The following OLFM3 variants were observed in gnomAD, a reference collection of about 807,000 sequenced individuals.
OLFM3 encodes olfactomedin 3.
Under a neutral mutation model 48.6 loss-of-function variants are expected in OLFM3, and 20 were observed. That is an observed-to-expected ratio of 0.41 (90% CI 0.29 to 0.60). The LOEUF is 0.60. Ranked by LOEUF, OLFM3 falls within the 20% of genes least tolerant of loss-of-function variation. The pLI is 0.28. For synonymous variants in OLFM3, 222 were observed against 198.1 expected, an observed-to-expected ratio of 1.12 and a Z score of -1.01; for missense variants, 437 against 544.3, an observed-to-expected ratio of 0.80 and a Z score of 1.96.
At chr1:101,894,580 A>G (rs569086460) in intron 1 of OLFM3, among the ~76,000 whole-genome samples, 1 of 152,242 alleles carries the variant, frequency 6.6e-6, no homozygotes, top group Non-Finnish European at 1.5e-5. Flanking sequence ...AGAGGGAATT[A>G]CACTTTTTAA....
intron 1 of OLFM3, among the ~76,000 whole-genome samples, chr1:101,985,137 A>G (rs953775877): frequency 6.6e-5 from 10 of 152,108 alleles, no homozygotes; most frequent in African/African-American, 9.7e-5. Context: ...CATCTCCCCA[A>G]TCTCTGCTTT....
intron 1 of OLFM3, among the ~76,000 whole-genome samples, chr1:101,902,325 A>G (rs1658414004): frequency 6.6e-6 from 1 of 152,066 alleles, no homozygotes. Flanking sequence ...AGAAGTAAGT[A>G]CTTCTGAGAA....
At chr1:101,845,164 C>A (rs558864307) in intron 1 of OLFM3, among the ~76,000 whole-genome samples, 106 of 151,840 alleles carry the variant, frequency 7.0e-4, no homozygotes, top group Non-Finnish European at 1.1e-3. Context: ...TTATTTTCTT[C>A]TTCTTATTAT....
At chr1:101,832,681 G>T (rs1655219178) in intron 2 of OLFM3, among the ~76,000 whole-genome samples, 1 of 152,088 alleles carries the variant, frequency 6.6e-6, no homozygotes, top group East Asian at 1.9e-4. Context: ...AGTGTTCAGT[G>T]AATATTTATT....
chr1:101,855,339 G>T (rs1301976937), intron 1 of OLFM3, among the ~76,000 whole-genome samples: 2 of 152,144 alleles, frequency 1.3e-5, no homozygotes, highest in African/African-American at 4.8e-5. Context: ...GGTGAAATAT[G>T]TTCGCTGAAG....
intron 1 of OLFM3, among the ~76,000 whole-genome samples, chr1:101,961,465 T>G (rs1557747785): frequency 6.6e-6 from 1 of 152,000 alleles, no homozygotes; most frequent in Non-Finnish European, 1.5e-5. Context: ...AGTAGAGATA[T>G]TTTTTATTAA....
intron 1 of OLFM3, among the ~76,000 whole-genome samples, chr1:101,850,305 A>C (rs570226708): frequency 3.3e-5 from 5 of 152,250 alleles, no homozygotes; most frequent in Non-Finnish European, 7.4e-5. Context: ...GCTGAAAGCT[A>C]TTGATTAATA....
intron 1 of OLFM3, among the ~76,000 whole-genome samples, chr1:101,991,952 C>A (rs1291716785): frequency 6.6e-6 from 1 of 151,884 alleles, no homozygotes; most frequent in African/African-American, 2.4e-5. Context: ...CTAGACCCTA[C>A]AAAAGAATTG....
intron 1 of OLFM3, among the ~76,000 whole-genome samples, chr1:101,934,976 G>T (rs1659564627): frequency 6.6e-6 from 1 of 152,030 alleles, no homozygotes; most frequent in Non-Finnish European, 1.5e-5. Flanking sequence ...CTGGTATTAA[G>T]AGGGGGAGTT....
In OLFM3 at chr1:101,824,564, T is replaced by C. The variant is rs74106129; in HGVS notation, c.592+462A>G. ...CTGTAAATTGGAGGAATTATTTCCA[T>C]TTGCTTTAATAATTGCTGTTTGACA... On this transcript the variant is annotated intron_variant, in intron 4 of 5. Coordinates refer to ENST00000370103, the MANE Select transcript of OLFM3 (RefSeq NM_058170.4). 2.6e-3 allele frequency among the ~76,000 whole-genome samples: 400 copies of C among 152,224 alleles called. 2 individuals are homozygous for C. The highest frequency in any genetic ancestry group is 9.0e-3 in the African/African-American group (373 of 41,522).
chr1:101,970,182 ATT>A (rs1211928353), intron 1 of OLFM3, among the ~76,000 whole-genome samples: 1 of 151,802 alleles, frequency 6.6e-6, no homozygotes, highest in African/African-American at 2.4e-5. Flanking sequence ...CACCCCGCTA[ATT>A]TTTTGTATTT....
rs933285341 is a variant in OLFM3, at chr1:101,962,799, T to C, written c.69+33949A>G. On this transcript the variant is annotated intron_variant, in intron 1 of 5. Transcript: ENST00000370103. ...AGTTTTCTTTATCATTTCAACCTGT[T>C]TGTCTCTGCTTTTCCTTAATAGTTA... 1.8e-4 allele frequency among the ~76,000 whole-genome samples: 28 copies of C among 152,218 alleles called. 1 individual carries two copies. Among genetic ancestry groups the C allele is most frequent in the Admixed American group, 5.2e-4 (8 of 15,280 alleles).
intron 1 of OLFM3, among the ~76,000 whole-genome samples, chr1:101,985,701 A>C (rs1408412415): frequency 6.6e-6 from 1 of 152,196 alleles, no homozygotes; most frequent in African/African-American, 2.4e-5. Flanking sequence ...CTTTCAATTA[A>C]ATTTGCAAAA....
chr1:101,909,926 T>A (rs1570621870), intron 1 of OLFM3: 1 of 978,836 alleles, frequency 1.0e-6, no homozygotes, highest in East Asian at 1.1e-4. Flanking sequence ...AGACTTGGTG[T>A]CCAGGTAAAC....
chr1:101,996,268 C>T (rs539652355), intron 1 of OLFM3, among the ~76,000 whole-genome samples: 1 of 152,270 alleles, frequency 6.6e-6, no homozygotes, highest in Non-Finnish European at 1.5e-5. Flanking sequence ...AAGCAGCATC[C>T]CAAATGTTTT....
chr1:101,847,076 G>C (rs1570557982), intron 1 of OLFM3: 1 of 1,439,866 alleles, frequency 6.9e-7, no homozygotes, highest in Non-Finnish European at 9.2e-7. Flanking sequence ...AGCATGAAAA[G>C]AGATCAACTT....
intron 1 of OLFM3, among the ~76,000 whole-genome samples, chr1:101,884,736 A>G (rs1570595998): frequency 6.6e-6 from 1 of 152,128 alleles, no homozygotes; most frequent in Admixed American, 6.6e-5. Flanking sequence ...TTTTTCTGGA[A>G]TGGTTCCATT....
intron 1 of OLFM3, among the ~76,000 whole-genome samples, chr1:101,902,343 A>G (rs1157676190): frequency 6.6e-6 from 1 of 152,074 alleles, no homozygotes; most frequent in Non-Finnish European, 1.5e-5. Context: ...GAAAGTGGTG[A>G]CATCAAGATA....
intron 1 of OLFM3, among the ~76,000 whole-genome samples, chr1:101,851,133 C>A (rs535460038): frequency 2.2e-4 from 34 of 152,060 alleles, no homozygotes; most frequent in Non-Finnish European, 4.4e-4. Flanking sequence ...TGCTGGATAC[C>A]CTGGATGGGG....
Sources: gnomAD v4.1 joint callset for allele counts (sites outside exome capture counted in the v4.1 genomes callset) on GRCh38, gnomAD v4.1.1 for gene constraint, MANE v1.5 for transcripts, NCBI Gene and HGNC (gene_info 2026-07-23, HGNC 2026-07-21) for gene names.